DLGAP2: variants seen among roughly 807,000 people sequenced by gnomAD.
The protein encoded by DLGAP2 is disks large-associated protein 2.
DLGAP2 carries 26 observed loss-of-function variants against 100.3 expected under a neutral mutation model. The ratio of observed to expected loss-of-function variants is 0.26; its 90% CI spans 0.19 to 0.36. The LOEUF is 0.36. DLGAP2 is among the 10% of genes least tolerant of loss of function. The probability of loss-of-function intolerance (pLI) is 1.00; values close to 1 mark genes in which losing one functional copy is unlikely to be tolerated. For synonymous variants in DLGAP2, 886 were observed against 630.1 expected, an observed-to-expected ratio of 1.41 and a Z score of -6.08; for missense variants, 1,858 against 1,453.2, an observed-to-expected ratio of 1.28 and a Z score of -4.53.
At chr8:779,755 G>T (rs1487395198) in intron 1 of DLGAP2, among the ~76,000 whole-genome samples, 1 of 152,128 alleles carries the variant, frequency 6.6e-6, no homozygotes, top group Non-Finnish European at 1.5e-5. Context: ...GGGAATATCT[G>T]TAGCAGGGCC....
At chr8:1,618,573 A>G (rs1221709901) in intron 6 of DLGAP2, among the ~76,000 whole-genome samples, 1 of 152,244 alleles carries the variant, frequency 6.6e-6, no homozygotes, top group South Asian at 2.1e-4. Context: ...GAAAATGTGA[A>G]GAACCTAGAA....
chr8:982,117 C>G (rs566225295), intron 2 of DLGAP2, among the ~76,000 whole-genome samples: 1 of 152,238 alleles, frequency 6.6e-6, no homozygotes, highest in Non-Finnish European at 1.5e-5. Context: ...TCCCAAGGGG[C>G]CTGGCTCTGG....
intron 6 of DLGAP2, chr8:1,604,818 C>T (rs1796744751): frequency 6.6e-6 from 1 of 151,842 alleles, no homozygotes; most frequent in Non-Finnish European, 1.5e-5. Context: ...AAAAAAAACT[C>T]AAACATAAAT....
chr8:972,845 C>T (rs536785692), intron 2 of DLGAP2, among the ~76,000 whole-genome samples: 3 of 152,286 alleles, frequency 2.0e-5, no homozygotes, highest in African/African-American at 7.2e-5. Flanking sequence ...TGCCTTCAAG[C>T]ATCTGTTTAA....
chr8:1,141,164 G>A (rs1279465525), intron 2 of DLGAP2, among the ~76,000 whole-genome samples: 1 of 152,138 alleles, frequency 6.6e-6, no homozygotes, highest in Non-Finnish European at 1.5e-5. Context: ...GGACTGAGGG[G>A]CTTTTACGTG....
At chr8:1,295,468 GC>G (rs1800149360) in intron 3 of DLGAP2, among the ~76,000 whole-genome samples, 1 of 152,128 alleles carries the variant, frequency 6.6e-6, no homozygotes, top group Non-Finnish European at 1.5e-5. Flanking sequence ...TGGGCCCCCA[GC>G]CACGTCAGCG....
At chr8:1,161,220 C>T (rs1236489857) in intron 2 of DLGAP2, among the ~76,000 whole-genome samples, 1 of 152,126 alleles carries the variant, frequency 6.6e-6, no homozygotes, top group Non-Finnish European at 1.5e-5. Context: ...GTCTTTGTGG[C>T]TGGCATGGAT....
intron 6 of DLGAP2, among the ~76,000 whole-genome samples, chr8:1,594,485 C>T (rs1390147546): frequency 1.3e-5 from 2 of 152,084 alleles, no homozygotes; most frequent in Admixed American, 6.5e-5. Context: ...CAGACCAGAT[C>T]AAACAGAAGA....
In DLGAP2 at chr8:1,424,744, G is replaced by A. The variant is rs137939116; in HGVS notation, c.107-76622G>A. On this transcript the variant is annotated intron_variant, in intron 3 of 14. Transcript: ENST00000637795. ...CAAGGATGGTGTGATCCCCTTACAC[G>A]CAGCACCTGGAGAAGTCAGATGCAC... Among the ~76,000 whole-genome samples the A allele has an allele frequency of 9.9e-4, 150 of 151,542 alleles. No individual in the cohort carries two copies. In the East Asian group the frequency reaches 0.015, roughly 15 times the overall value.
At chr8:1,613,582 T>G (rs1008066338) in intron 6 of DLGAP2, among the ~76,000 whole-genome samples, 3 of 151,652 alleles carry the variant, frequency 2.0e-5, no homozygotes, top group Admixed American at 6.6e-5. Flanking sequence ...TGACTTCAAC[T>G]GAAATTTATG....
chr8:862,337 C>G (rs990201825), intron 1 of DLGAP2, among the ~76,000 whole-genome samples: 12 of 149,336 alleles, frequency 8.0e-5, no homozygotes, highest in African/African-American at 3.0e-4. Context: ...TAGTCTCACT[C>G]TGTCGCCCAG....
At chr8:1,695,920 C>A (rs190186271) in intron 13 of DLGAP2, among the ~76,000 whole-genome samples, 1 of 152,214 alleles carries the variant, frequency 6.6e-6, no homozygotes, top group African/African-American at 2.4e-5. Context: ...TCCTGGGGAG[C>A]TCCTCAAGTG....
intron 2 of DLGAP2, among the ~76,000 whole-genome samples, chr8:1,211,613 C>T (rs1414612107): frequency 6.6e-5 from 10 of 152,224 alleles, no homozygotes; most frequent in African/African-American, 2.2e-4. Context: ...CAGTGGCACA[C>T]GCCTGTAATC....
At chr8:1,366,908 G>A (rs1802121430) in intron 3 of DLGAP2, among the ~76,000 whole-genome samples, 1 of 152,134 alleles carries the variant, frequency 6.6e-6, no homozygotes, top group African/African-American at 2.4e-5. Context: ...ACACATGCAT[G>A]TGACCACAGA....
At chr8:1,478,523 C>G (rs1186057470) in intron 3 of DLGAP2, among the ~76,000 whole-genome samples, 5 of 152,204 alleles carry the variant, frequency 3.3e-5, no homozygotes, top group Non-Finnish European at 7.3e-5. Flanking sequence ...TTCTCTATTC[C>G]TCTCTCCATC....
chr8:1,525,132 G>A (rs781044841), intron 4 of DLGAP2, among the ~76,000 whole-genome samples: 2 of 149,810 alleles, frequency 1.3e-5, no homozygotes, highest in African/African-American at 4.9e-5. Flanking sequence ...GCTGTTGTTA[G>A]GTCTCCTGAG....
intron 1 of DLGAP2, among the ~76,000 whole-genome samples, chr8:883,919 C>G (rs1296125757): frequency 6.6e-6 from 1 of 152,186 alleles, no homozygotes; most frequent in African/African-American, 2.4e-5. Context: ...TGTTAGTTTG[C>G]TGAGGATAAT....
At chr8:843,067 T>A (rs1222411464) in intron 1 of DLGAP2, among the ~76,000 whole-genome samples, 2 of 152,366 alleles carry the variant, frequency 1.3e-5, no homozygotes, top group Admixed American at 1.3e-4. Context: ...GGGGTGTTAT[T>A]CGGCTTTTTT....
intron 3 of DLGAP2, among the ~76,000 whole-genome samples, chr8:1,381,747 G>A (rs1277915141): frequency 6.7e-6 from 1 of 149,652 alleles, no homozygotes; most frequent in Non-Finnish European, 1.5e-5. Context: ...GTGAATGCTG[G>A]GATTTTCTTC....
Sources: allele counts gnomAD v4.1 joint callset (sites outside exome capture counted in the v4.1 genomes callset), GRCh38; gene constraint gnomAD v4.1.1; transcripts MANE v1.5; gene names NCBI Gene and HGNC (gene_info 2026-07-23, HGNC 2026-07-21).